Variants in DCC observed in about 807,000 individuals in gnomAD.
DCC encodes the protein DCC netrin 1 receptor.
DCC carries 58 observed loss-of-function variants against 172.5 expected under a neutral mutation model. That is an observed-to-expected ratio of 0.34 (90% CI 0.27 to 0.42). The LOEUF (loss-of-function observed/expected upper bound fraction) is 0.42. Among genes scored for constraint, DCC ranks in the 10% least tolerant of loss-of-function variants. The probability of loss-of-function intolerance (pLI) is 1.00; values close to 1 mark genes in which losing one functional copy is unlikely to be tolerated. For missense variants in DCC, 1,740 were observed against 1,791.0 expected, an observed-to-expected ratio of 0.97 and a Z score of 0.51; for synonymous variants, 709 against 644.5, an observed-to-expected ratio of 1.10 and a Z score of -1.52.
intron 2 of DCC, among the ~76,000 whole-genome samples, chr18:52,795,780 G>C (rs1397949470): frequency 6.6e-6 from 1 of 151,656 alleles, no homozygotes; most frequent in African/African-American, 2.4e-5. Context: ...CATTGGTTTT[G>C]GCATACTGTT....
intron 7 of DCC, among the ~76,000 whole-genome samples, chr18:53,087,232 T>C (rs1180743522): frequency 6.6e-6 from 1 of 151,902 alleles, no homozygotes; most frequent in Non-Finnish European, 1.5e-5. Context: ...TGTAAAAGTG[T>C]TCCTATTTCT....
At chr18:53,355,670 G>A (rs7241828) in intron 15 of DCC, among the ~76,000 whole-genome samples, 1 of 152,060 alleles carries the variant, frequency 6.6e-6, no homozygotes, top group Non-Finnish European at 1.5e-5. Context: ...GAGATTTGGG[G>A]CTGAGACAAT....
At chr18:52,355,002 C>T (rs773313134) in intron 1 of DCC, among the ~76,000 whole-genome samples, 5 of 152,044 alleles carry the variant, frequency 3.3e-5, no homozygotes, top group Non-Finnish European at 5.9e-5. Context: ...AGCCCCGTTA[C>T]GAATGCATAT....
At chr18:53,015,601 T>C (rs2041796813) in intron 5 of DCC, among the ~76,000 whole-genome samples, 1 of 152,128 alleles carries the variant, frequency 6.6e-6, no homozygotes, top group African/African-American at 2.4e-5. Context: ...TTTCTTCAGC[T>C]TAGAAGAGGT....
In DCC at chr18:52,747,337, C is replaced by T. The variant is rs554023749; in HGVS notation, c.92-4717C>T. 2.0e-5 allele frequency among the ~76,000 whole-genome samples: 3 copies of T among 152,280 alleles called. No individual in the cohort carries two copies. The South Asian group carries it at 6.2e-4, about 32-fold the overall frequency. ...TTGGAAATGTAACTATTTGAGGGTT[C>T]AAGGGGATGGCCATTGGACATCTTA... On this transcript the variant is annotated intron_variant, in intron 1 of 28. Coordinates refer to ENST00000442544, the MANE Select transcript of DCC (RefSeq NM_005215.4).
intron 9 of DCC, 134 bp downstream of exon 9, chr18:53,179,250 T>C: frequency 1.2e-6 from 1 of 863,834 alleles, no homozygotes; most frequent in Non-Finnish European, 1.9e-6. Flanking sequence ...TAAACTTATA[T>C]AACTCGAGGA....
At chr18:52,715,635 G>A (rs1449866506) in intron 1 of DCC, among the ~76,000 whole-genome samples, 1 of 152,134 alleles carries the variant, frequency 6.6e-6, no homozygotes, top group East Asian at 1.9e-4. Context: ...GCTGACTTCC[G>A]AGGGCTGCTG....
At chr18:52,530,117 A>G (rs2032103250) in intron 1 of DCC, among the ~76,000 whole-genome samples, 1 of 152,214 alleles carries the variant, frequency 6.6e-6, no homozygotes, top group South Asian at 2.1e-4. Context: ...ATAATATAGT[A>G]TGTGTTCAAG....
intron 2 of DCC, among the ~76,000 whole-genome samples, chr18:52,888,812 G>T (rs1469191878): frequency 6.6e-6 from 1 of 151,852 alleles, no homozygotes; most frequent in Non-Finnish European, 1.5e-5. Context: ...TGTATATACA[G>T]AAGCCCACAT....
intron 5 of DCC, among the ~76,000 whole-genome samples, chr18:53,014,926 G>T (rs1362678127): frequency 6.6e-6 from 1 of 152,032 alleles, no homozygotes. Context: ...ATTCCCAAGG[G>T]AGTTCAAGAA....
At chr18:53,501,085 C>T (rs1215535874) in intron 27 of DCC, among the ~76,000 whole-genome samples, 2 of 152,154 alleles carry the variant, frequency 1.3e-5, no homozygotes, top group African/African-American at 2.4e-5. Context: ...GCAAGCACAA[C>T]CCAAGGAAAC....
intron 27 of DCC, among the ~76,000 whole-genome samples, chr18:53,512,088 G>C (rs2046262954): frequency 6.6e-6 from 1 of 152,100 alleles, no homozygotes; most frequent in African/African-American, 2.4e-5. Context: ...GAGAGCAGTG[G>C]TTCTCCCAGC....
intron 1 of DCC, among the ~76,000 whole-genome samples, chr18:52,452,387 C>T (rs982979162): frequency 7.2e-5 from 11 of 152,078 alleles, no homozygotes; most frequent in African/African-American, 1.9e-4. Context: ...AAAATTATTC[C>T]GAAAGAAGTT....
chr18:52,975,029 G>A (rs560984893), intron 5 of DCC, among the ~76,000 whole-genome samples: 21 of 152,210 alleles, frequency 1.4e-4, no homozygotes, highest in South Asian at 1.2e-3. Flanking sequence ...AACAGAGGAC[G>A]GACCTTGTTT....
intron 1 of DCC, among the ~76,000 whole-genome samples, chr18:52,537,375 A>G (rs1467511305): frequency 1.3e-5 from 2 of 152,224 alleles, no homozygotes; most frequent in African/African-American, 4.8e-5. Flanking sequence ...AGGTTCTAAA[A>G]TTAGGCTGTT....
chr18:52,826,737 C>T (rs968320908), intron 2 of DCC, among the ~76,000 whole-genome samples: 1 of 152,000 alleles, frequency 6.6e-6, no homozygotes, highest in East Asian at 1.9e-4. Context: ...CCTAAGCCTC[C>T]CAAAGTGCTG....
chr18:53,252,375 T>G (rs1397939319), intron 12 of DCC, among the ~76,000 whole-genome samples: 1 of 151,910 alleles, frequency 6.6e-6, no homozygotes, highest in African/African-American at 2.4e-5. Flanking sequence ...GACTGAGACT[T>G]AATCACTCTG....
chr18:52,507,351 A>AT (rs1206074343), intron 1 of DCC, among the ~76,000 whole-genome samples: 1 of 152,174 alleles, frequency 6.6e-6, no homozygotes, highest in Non-Finnish European at 1.5e-5. Flanking sequence ...TTGTAAGTGT[A>AT]TTAGTATAAA....
At chr18:52,684,146 A>G (rs2035791610) in intron 1 of DCC, among the ~76,000 whole-genome samples, 1 of 152,096 alleles carries the variant, frequency 6.6e-6, no homozygotes, top group African/African-American at 2.4e-5. Flanking sequence ...CCCATTTATT[A>G]AAATATACAT....
Sources: gnomAD v4.1 joint callset for allele counts (sites outside exome capture counted in the v4.1 genomes callset) on GRCh38, gnomAD v4.1.1 for gene constraint, MANE v1.5 for transcripts, NCBI Gene and HGNC (gene_info 2026-07-23, HGNC 2026-07-21) for gene names.